HPRT1: variants seen among roughly 807,000 people sequenced by gnomAD.
The protein encoded by HPRT1 is hypoxanthine-guanine phosphoribosyltransferase.
Under a neutral mutation model 19.0 loss-of-function variants are expected in HPRT1, and 4 were observed. The ratio of observed to expected loss-of-function variants is 0.21; its 90% confidence interval spans 0.10 to 0.48. The LOEUF is 0.48. Among genes scored for constraint, HPRT1 ranks in the 20% least tolerant of loss-of-function variants. The pLI, the probability that HPRT1 is intolerant of heterozygous loss-of-function variation, is 0.98. For missense variants in HPRT1, 65 were observed against 164.0 expected (o/e 0.40, Z 3.30); for synonymous variants, 53 against 54.9 (o/e 0.97, Z 0.15).
chrX:134,475,408 G>A (rs2077622342), intron 3 of HPRT1, 44 bp downstream of exon 3: 1 of 871,026 alleles, frequency 1.1e-6, no homozygotes, highest in African/African-American at 2.0e-5. Context: ...GCAACAGTAG[G>A]TTTTCTTATA....
In HPRT1 at chrX:134,500,412, AT is replaced by A. The variant is rs2077692502; in HGVS notation, c.*339del. On this transcript the variant is annotated 3_prime_UTR_variant, in exon 9 of 9. Coordinates refer to ENST00000298556, the MANE Select transcript of HPRT1 (RefSeq NM_000194.3). Reference sequence around the variant, plus strand: ...AAGATATATTAGTTTTTTAATTGGTATTTTAATTTTTATATATGCAGGAAAG... The same window carrying A: ...AAGATATATTAGTTTTTTAATTGGTATTTAATTTTTATATATGCAGGAAAG... 1 of 176,004 alleles carries A rather than the reference AT, an allele frequency of 5.7e-6. No individual in the cohort carries two copies. Among genetic ancestry groups the A allele is most frequent in the Admixed American group, 7.3e-5 (1 of 13,791 alleles). The allele number at this position is 176,004 out of a possible 1,213,427, so 14.5% of individuals were successfully genotyped here. A position where few individuals can be genotyped will look rare whatever the true frequency, so the allele number is the denominator to read the frequency against.
At chrX:134,499,959 T>C in intron 8 of HPRT1, 71 bp from the exon 9 acceptor site, 1 of 708,415 alleles carries the variant, frequency 1.4e-6, no homozygotes, top group Non-Finnish European at 2.3e-6. Flanking sequence ...TTCTTATATG[T>C]AAAATGCTAT....
intron 3 of HPRT1, among the ~76,000 whole-genome samples, chrX:134,485,619 C>T (rs1212802775): frequency 8.9e-6 from 1 of 111,934 alleles, no homozygotes; most frequent in Admixed American, 9.6e-5. Flanking sequence ...TTATTGTATA[C>T]TAAATCCTCA....
intron 4 of HPRT1, 42 bp downstream of exon 4, chrX:134,486,572 G>T: frequency 1.3e-6 from 1 of 745,199 alleles, no homozygotes; most frequent in Non-Finnish European, 2.1e-6. Flanking sequence ...ACTTCATACC[G>T]AGTCAATTAG....
intron 5 of HPRT1, among the ~76,000 whole-genome samples, chrX:134,493,189 T>C (rs1428292954): frequency 9.0e-6 from 1 of 111,517 alleles, no homozygotes; most frequent in Non-Finnish European, 1.9e-5. Flanking sequence ...GGAGAGAGTC[T>C]CTATCTTGAA....
At chrX:134,497,341 A>G (rs1295142187) in intron 6 of HPRT1, among the ~76,000 whole-genome samples, 1 of 111,345 alleles carries the variant, frequency 9.0e-6, no homozygotes, top group African/African-American at 3.3e-5. Flanking sequence ...AAAAAAAAGA[A>G]TGTTGTGAGG....
At chrX:134,483,317 A>G (rs2077644712) in intron 3 of HPRT1, among the ~76,000 whole-genome samples, 1 of 111,719 alleles carries the variant, frequency 9.0e-6, no homozygotes, top group Non-Finnish European at 1.9e-5. Context: ...TCTTATTGCT[A>G]CCTAGAGGTT....
chrX:134,479,511 C>A (rs2077633615), intron 3 of HPRT1, among the ~76,000 whole-genome samples: 2 of 112,073 alleles, frequency 1.8e-5, no homozygotes, highest in Middle Eastern at 9.2e-3. Flanking sequence ...CTCTGGTGAT[C>A]CACCCGCCTC....
chrX:134,463,190 A>G (rs17879126), intron 1 of HPRT1, among the ~76,000 whole-genome samples: 1,595 of 111,908 alleles, frequency 0.014, 32 homozygotes, highest in African/African-American at 0.049. Context: ...TGGCCCTCAA[A>G]TGTGTCTGAT....
chrX:134,472,121 CCACCATACCTGG>C (rs1423390135), intron 1 of HPRT1, among the ~76,000 whole-genome samples: 1 of 110,637 alleles, frequency 9.0e-6, no homozygotes, highest in Admixed American at 9.7e-5. Context: ...CAGGTATGCA[CCACCATACCTGG>C]CAAATTTTTA....
chrX:134,460,397 G>T, intron 1 of HPRT1, 59 bp downstream of exon 1: 10 of 941,215 alleles, frequency 1.1e-5, no homozygotes, highest in Admixed American at 5.3e-5. Context: ...GGTGGCGGCC[G>T]GGCCCTGAGG....
intron 1 of HPRT1, among the ~76,000 whole-genome samples, chrX:134,466,187 A>G (rs2077596434): frequency 9.0e-6 from 1 of 110,717 alleles, no homozygotes; most frequent in Non-Finnish European, 1.9e-5. Context: ...TGGGAGGCCA[A>G]GGTGGGTGGA....
chrX:134,486,643 A>G, intron 4 of HPRT1, 113 bp downstream of exon 4: 1 of 521,980 alleles, frequency 1.9e-6, no homozygotes, highest in Non-Finnish European at 3.5e-6. Context: ...TAAATGGGTT[A>G]TTTAACCCTT....
chrX:134,492,470 T>C, intron 5 of HPRT1: 1 of 329,432 alleles, frequency 3.0e-6, no homozygotes, highest in Non-Finnish European at 5.9e-6. Context: ...CTCATCAAGC[T>C]GAATCAAGGG....
At chrX:134,465,690 C>A (rs1241454875) in intron 1 of HPRT1, among the ~76,000 whole-genome samples, 1 of 112,505 alleles carries the variant, frequency 8.9e-6, no homozygotes. Context: ...TGTTCTAGAT[C>A]TCTGAGGAGA....
Position 134,500,126 on chromosome X carries a change from C to T in HPRT1, c.*49C>T. On this transcript the variant is annotated 3_prime_UTR_variant, in exon 9 of 9. Coordinates refer to ENST00000298556, the MANE Select transcript of HPRT1 (RefSeq NM_000194.3). ...GAAACATCTGGAGTCCTATTGACAT[C>T]GCCAGTAAAATTATCAATGTTCTAG... 1.2e-6 allele frequency: 1 copy of T among 851,648 alleles called. No homozygotes were observed. The highest frequency in any genetic ancestry group is 2.0e-5 in the South Asian group (1 of 49,741). 70.2% of individuals were successfully genotyped at this position (851,648 alleles called of 1,213,427 possible).
chrX:134,489,439 A>T (rs2077661258), intron 4 of HPRT1, among the ~76,000 whole-genome samples: 1 of 111,989 alleles, frequency 8.9e-6, no homozygotes. Context: ...TGCTATAGTT[A>T]TATGACAGAG....
chrX:134,499,803 C>CAA (rs17879788), intron 8 of HPRT1, among the ~76,000 whole-genome samples: 1 of 98,848 alleles, frequency 1.0e-5, no homozygotes. Context: ...GACTCCGTCT[C>CAA]AAAAAAAAAA....
chrX:134,465,775 T>C (rs897615247), intron 1 of HPRT1, among the ~76,000 whole-genome samples: 2 of 112,273 alleles, frequency 1.8e-5, no homozygotes, highest in Non-Finnish European at 3.8e-5. Context: ...TGTCCTTTGA[T>C]TTCTGATTCA....
Sources: gnomAD v4.1 joint callset for allele counts (sites outside exome capture counted in the v4.1 genomes callset) on GRCh38, gnomAD v4.1.1 for gene constraint, MANE v1.5 for transcripts, NCBI Gene and HGNC (gene_info 2026-07-23, HGNC 2026-07-21) for gene names.